HSDL1: variants seen among roughly 807,000 people sequenced by gnomAD.
The protein encoded by HSDL1 is inactive hydroxysteroid dehydrogenase-like protein 1.
A neutral mutation model predicts 31.5 loss-of-function variants in HSDL1; 29 were observed. That is an observed-to-expected ratio of 0.92 (90% CI 0.69 to 1.26). HSDL1 has a LOEUF of 1.26. Among genes scored for constraint, HSDL1 ranks in the 50% most tolerant of loss-of-function variants. The pLI, the probability that HSDL1 is intolerant of heterozygous loss-of-function variation, is 0.00. For missense variants in HSDL1, 503 were observed against 416.6 expected, an observed-to-expected ratio of 1.21 and a Z score of -1.81; for synonymous variants, 222 against 155.2, an observed-to-expected ratio of 1.43 and a Z score of -3.20.
At chr16:84,140,485 G>T (rs1016809495) in intron 1 of HSDL1, among the ~76,000 whole-genome samples, 8 of 151,986 alleles carry the variant, frequency 5.3e-5, no homozygotes, top group African/African-American at 1.9e-4. Context: ...GGCTGGTCTT[G>T]AACTCCTGAC....
At chr16:84,132,622 G>A (rs1021477323) in intron 2 of HSDL1, among the ~76,000 whole-genome samples, 2 of 152,248 alleles carry the variant, frequency 1.3e-5, no homozygotes, top group East Asian at 1.9e-4. Flanking sequence ...CTAAATGACC[G>A]TCCCTAGGTG....
rs962797156 is a variant in HSDL1, at chr16:84,123,890, G to T, written c.*740C>A. 1.3e-5 allele frequency: 2 copies of T among 152,174 alleles called. No individual in the cohort carries two copies. The highest frequency in any genetic ancestry group is 4.8e-5 in the African/African-American group (2 of 41,440). The allele number at this position is 152,174 out of a possible 1,614,324, so 9.4% of individuals were successfully genotyped here. ...TTTGAAAAAACACAAATATAATGTAGGAAGTAATATCATTCATGGCAAACC... is the reference window on the plus strand; with the variant it reads ...TTTGAAAAAACACAAATATAATGTATGAAGTAATATCATTCATGGCAAACC... On this transcript the variant is annotated 3_prime_UTR_variant, in exon 6 of 6. Coordinates refer to ENST00000219439, the MANE Select transcript of HSDL1 (RefSeq NM_031463.5).
At chr16:84,129,156 G>C (rs536321051) in intron 5 of HSDL1, among the ~76,000 whole-genome samples, 95 of 152,246 alleles carry the variant, frequency 6.2e-4, no homozygotes, top group African/African-American at 2.2e-3. Flanking sequence ...GCTGAGGCAG[G>C]CAGATCATGA....
At chr16:84,133,371 T>C (rs186994439) in intron 2 of HSDL1, among the ~76,000 whole-genome samples, 20 of 152,364 alleles carry the variant, frequency 1.3e-4, no homozygotes, top group African/African-American at 4.3e-4. Context: ...GAAAGTTTCA[T>C]ACTGGTACCG....
chr16:84,135,484 G>A (rs1254732190), intron 2 of HSDL1, 60 bp downstream of exon 2: 1 of 151,398 alleles, frequency 6.6e-6, no homozygotes, highest in African/African-American at 2.4e-5. Flanking sequence ...AAAGGCGCCT[G>A]ACCACAAAGG....
intron 1 of HSDL1, among the ~76,000 whole-genome samples, chr16:84,142,129 T>C (rs2086774489): frequency 6.6e-6 from 1 of 152,172 alleles, no homozygotes; most frequent in Non-Finnish European, 1.5e-5. Context: ...GGTTTCACCA[T>C]GTTGCCCAGG....
At chr16:84,131,487 A>G (rs113078412) in intron 2 of HSDL1, among the ~76,000 whole-genome samples, 160 bp from the exon 3 acceptor site, 1,631 of 63,122 alleles carry the variant, frequency 0.026, 37 homozygotes, top group African/African-American at 0.12. Context: ...GTTTCAGTCT[A>G]TCTATCTATC....
Position 84,130,228 on chromosome 16 carries a change from C to T in HSDL1, c.424G>A (p.Asp142Asn). The T allele has an allele frequency of 6.2e-7, 1 of 1,614,176 alleles. No individual in the cohort carries two copies. Among genetic ancestry groups the T allele is most frequent in the African/African-American group, 1.3e-5 (1 of 75,046 alleles). The change falls in exon 4 of 6, where the codon GAC (aspartate) becomes AAC (asparagine). Residue 142 changes from aspartate to asparagine, a missense_variant. Asp to Asn is a conservative substitution (Grantham distance 23). Coordinates refer to ENST00000219439, the MANE Select transcript of HSDL1 (RefSeq NM_031463.5). ...TTTACCAAGATGCCAACGTCTTTGT[C>T]CTTCAGGGCTTCTCGAATTGGAAGG... ...IYLPIREALK[D>N]KDVGILVNNV...
intron 5 of HSDL1, among the ~76,000 whole-genome samples, chr16:84,128,303 T>C (rs536043240): frequency 1.3e-5 from 2 of 151,170 alleles, no homozygotes; most frequent in East Asian, 3.9e-4. Flanking sequence ...AAAAAAAAAA[T>C]TCTAAACTAG....
In HSDL1 at chr16:84,145,042, A is replaced by G. The variant is rs13330770; in HGVS notation, c.-69+38T>C. ...CCGAGGAGGGGTCTGGGGCGAAAGG[A>G]CCGCGAGAGGGCGCCCAGGGCGCGG... On this transcript the variant is annotated intron_variant, in intron 1 of 5. Coordinates refer to ENST00000219439, the MANE Select transcript of HSDL1 (RefSeq NM_031463.5). 0.49 allele frequency: 74,812 copies of G among 153,586 alleles called. 18,674 individuals carry two copies. Among genetic ancestry groups the G allele is most frequent in the African/African-American group, 0.61 (25,229 of 41,460 alleles). 9.5% of individuals were successfully genotyped at this position (153,586 alleles called of 1,614,324 possible).
chr16:84,140,748 A>T (rs567225014), intron 1 of HSDL1, among the ~76,000 whole-genome samples: 1 of 152,264 alleles, frequency 6.6e-6, no homozygotes, highest in East Asian at 1.9e-4. Context: ...ATTCTGGGGT[A>T]GTCACTCCCT....
At chr16:84,138,936 A>G (rs1316624551) in intron 1 of HSDL1, among the ~76,000 whole-genome samples, 1 of 152,222 alleles carries the variant, frequency 6.6e-6, no homozygotes, top group Admixed American at 6.5e-5. Context: ...GACTCCACCT[A>G]GCAGTGTAAA....
intron 5 of HSDL1, among the ~76,000 whole-genome samples, chr16:84,127,879 T>C (rs1035873674): frequency 2.6e-5 from 4 of 151,022 alleles, no homozygotes; most frequent in Non-Finnish European, 5.9e-5. Flanking sequence ...CCACCACGCC[T>C]AGCTAATTTT....
chr16:84,131,392 G>C (rs1421263635), intron 2 of HSDL1, 65 bp from the exon 3 acceptor site: 4 of 1,122,388 alleles, frequency 3.6e-6, no homozygotes, highest in Non-Finnish European at 5.4e-6. Context: ...TACACAGTCT[G>C]AGTGAAGACA....
In HSDL1 at chr16:84,124,396, G is replaced by A. The variant is rs556391217; in HGVS notation, c.*234C>T. 7.8e-6 allele frequency: 3 copies of A among 384,644 alleles called. No individual in the cohort carries two copies. The South Asian group carries it at 1.1e-4, about 14-fold the overall frequency. 23.8% of individuals were successfully genotyped at this position (384,644 alleles called of 1,614,324 possible). A position where few individuals can be genotyped will look rare whatever the true frequency, so the allele number is the denominator to read the frequency against. ...TCAAACAGCTTAGGGAAAAAGCACT[G>A]AAATGTAGATGTCGTCAATCAGCCT... On this transcript the variant is annotated 3_prime_UTR_variant, in exon 6 of 6. Coordinates refer to ENST00000219439, the MANE Select transcript of HSDL1 (RefSeq NM_031463.5).
intron 3 of HSDL1, among the ~76,000 whole-genome samples, chr16:84,130,770 T>C (rs1274789768): frequency 1.3e-5 from 2 of 152,168 alleles, no homozygotes; most frequent in Non-Finnish European, 2.9e-5. Context: ...TAAAATGAAA[T>C]TCAAAATAGG....
chr16:84,124,453 C>A lies in HSDL1; in HGVS notation c.*177G>T. 1.8e-6 allele frequency: 1 copy of A among 552,012 alleles called. No individual in the cohort carries two copies. The highest frequency in any genetic ancestry group is 3.4e-6 in the Non-Finnish European group (1 of 297,672). 34.2% of individuals were successfully genotyped at this position (552,012 alleles called of 1,614,324 possible). A position where few individuals can be genotyped will look rare whatever the true frequency, so the allele number is the denominator to read the frequency against. ...TTATTGATCCTGTGCCATCCACACA[C>A]CCTTAAGGTTTTTCACAGCACTCTG... is the stretch of plus-strand genomic sequence containing the variant. On this transcript the variant is annotated 3_prime_UTR_variant, in exon 6 of 6. Coordinates refer to ENST00000219439, the MANE Select transcript of HSDL1 (RefSeq NM_031463.5).
intron 1 of HSDL1, among the ~76,000 whole-genome samples, chr16:84,143,477 TG>T (rs1440935160): frequency 2.0e-5 from 3 of 152,158 alleles, no homozygotes; most frequent in Non-Finnish European, 4.4e-5. Flanking sequence ...TTAATGGGGT[TG>T]GGGTTTCTTT....
chr16:84,129,567 T>A lies in HSDL1; in HGVS notation c.875A>T (p.Tyr292Phe). ...TCCTACCTGAATAGAATGGGACCAA[T>A]ATCCTGTGGTCCTTTTGGAAATCCC... The part of the protein sequence containing the change: ...TLGISKRTTG[Y>F]WSHSIQFLFA... Residue 292 changes from tyrosine to phenylalanine, a missense_variant, in exon 5 of 6, where the codon TAT becomes TTT. By Grantham distance (22) the Tyr-to-Phe change is conservative. Coordinates refer to ENST00000219439, the MANE Select transcript of HSDL1 (RefSeq NM_031463.5). 6.2e-7 allele frequency: 1 copy of A among 1,612,244 alleles called. No homozygotes were observed.
Sources: gnomAD v4.1 joint callset for allele counts (sites outside exome capture counted in the v4.1 genomes callset) on GRCh38, gnomAD v4.1.1 for gene constraint, MANE v1.5 for transcripts, NCBI Gene and HGNC (gene_info 2026-07-23, HGNC 2026-07-21) for gene names.